ASIC2: variants seen among roughly 807,000 people sequenced by gnomAD.
ASIC2 encodes acid sensing ion channel subunit 2, also known as acid-sensing ion channel 2.
In ASIC2, 25 loss-of-function variants were observed where a neutral mutation model predicts 57.3. The ratio of observed to expected loss-of-function variants is 0.44; its 90% confidence interval spans 0.32 to 0.61. The LOEUF is 0.61. Among genes scored for constraint, ASIC2 ranks in the 20% least tolerant of loss-of-function variants. The probability of loss-of-function intolerance (pLI) is 0.06; values close to 1 mark genes in which losing one functional copy is unlikely to be tolerated. For synonymous variants in ASIC2, 319 were observed against 307.5 expected, an observed-to-expected ratio of 1.04 and a Z score of -0.39; for missense variants, 641 against 738.1, an observed-to-expected ratio of 0.87 and a Z score of 1.52.
At chr17:33,141,866 C>T (rs1904326462) in intron 1 of ASIC2, among the ~76,000 whole-genome samples, 2 of 152,150 alleles carry the variant, frequency 1.3e-5, no homozygotes, top group South Asian at 2.1e-4. Context: ...GTGACTTGTG[C>T]TTTCTTAAAA....
chr17:33,989,929 A>C (rs1293278966), intron 1 of ASIC2, among the ~76,000 whole-genome samples: 1 of 152,182 alleles, frequency 6.6e-6, no homozygotes, highest in African/African-American at 2.4e-5. Flanking sequence ...AGTGGGAAGA[A>C]GGGGAAAGAG....
chr17:33,234,027 C>T (rs2142111375), intron 1 of ASIC2, among the ~76,000 whole-genome samples: 1 of 152,290 alleles, frequency 6.6e-6, no homozygotes, highest in South Asian at 2.1e-4. Flanking sequence ...AAACCTGTCA[C>T]CCACAAGGAA....
At chr17:34,079,882 T>C (rs1909811640) in intron 1 of ASIC2, among the ~76,000 whole-genome samples, 1 of 152,210 alleles carries the variant, frequency 6.6e-6, no homozygotes, top group African/African-American at 2.4e-5. Context: ...TGCACTTTTC[T>C]GGAAGACCTT....
chr17:33,389,991 C>T (rs1217357888), intron 1 of ASIC2, among the ~76,000 whole-genome samples: 1 of 152,106 alleles, frequency 6.6e-6, no homozygotes, highest in Non-Finnish European at 1.5e-5. Context: ...CAGCCTGAGA[C>T]TGGCACATGC....
chr17:34,108,582 C>T (rs1911151413), intron 1 of ASIC2, among the ~76,000 whole-genome samples: 1 of 152,070 alleles, frequency 6.6e-6, no homozygotes, highest in Non-Finnish European at 1.5e-5. Flanking sequence ...GAACACTCCT[C>T]GTACATTTGA....
chr17:33,795,701 T>C (rs1166433870), intron 1 of ASIC2, among the ~76,000 whole-genome samples: 1 of 152,208 alleles, frequency 6.6e-6, no homozygotes, highest in Admixed American at 6.5e-5. Context: ...TGATGATCCA[T>C]GCATTGATAG....
intron 1 of ASIC2, among the ~76,000 whole-genome samples, chr17:34,066,262 G>A (rs372552249): frequency 6.6e-6 from 1 of 152,174 alleles, no homozygotes; most frequent in East Asian, 1.9e-4. Context: ...GCAATGGTCT[G>A]GAACCACTGG....
chr17:34,055,256 G>A (rs2142056572), intron 1 of ASIC2, among the ~76,000 whole-genome samples: 1 of 152,228 alleles, frequency 6.6e-6, no homozygotes, highest in Non-Finnish European at 1.5e-5. Context: ...TCTTATTATG[G>A]AAAATTTCCA....
At chr17:34,075,264 C>CT (rs1460766709) in intron 1 of ASIC2, among the ~76,000 whole-genome samples, 1 of 152,164 alleles carries the variant, frequency 6.6e-6, no homozygotes, top group African/African-American at 2.4e-5. Context: ...CTGATGCAGA[C>CT]TCCCAAGACC....
intron 1 of ASIC2, chr17:33,984,221 C>T (rs1905730330): frequency 6.6e-6 from 1 of 152,246 alleles, no homozygotes; most frequent in African/African-American, 2.4e-5. Context: ...GATGCTGGCT[C>T]TTTCTCTCCT....
chr17:33,444,051 C>G (rs956569661), intron 1 of ASIC2, among the ~76,000 whole-genome samples: 1 of 152,324 alleles, frequency 6.6e-6, no homozygotes, highest in African/African-American at 2.4e-5. Flanking sequence ...CCTAGACTCC[C>G]TCTGTTCTTA....
intron 1 of ASIC2, among the ~76,000 whole-genome samples, chr17:33,454,659 TAAC>T (rs1912386307): frequency 1.3e-5 from 2 of 152,226 alleles, no homozygotes; most frequent in Admixed American, 1.3e-4. Flanking sequence ...CCTGCTGCTA[TAAC>T]AACATACCTT....
chr17:33,263,171 C>T (rs1220460808), intron 1 of ASIC2, among the ~76,000 whole-genome samples: 1 of 152,156 alleles, frequency 6.6e-6, no homozygotes, highest in Non-Finnish European at 1.5e-5. Context: ...ATGTACACCG[C>T]CTGGTTGCAT....
intron 1 of ASIC2, among the ~76,000 whole-genome samples, chr17:33,250,635 T>A (rs1414396940): frequency 6.6e-6 from 1 of 152,242 alleles, no homozygotes; most frequent in Non-Finnish European, 1.5e-5. Context: ...ATTGGTCATT[T>A]CCATATTTTT....
rs1033756922 is a variant in ASIC2 at position 33,128,865 on chromosome 17, C to T, written c.709-16798G>A. On this transcript the variant is annotated intron_variant, in intron 1 of 9. Coordinates refer to ENST00000225823, the MANE Select transcript of ASIC2 (RefSeq NM_183377.2). ...ATACTTCCATAATTCCAGTATCTGC[C>T]CTTATTCCAGGGACACAGTGAGTGT... Among the ~76,000 whole-genome samples the T allele has an allele frequency of 2.6e-5, 4 of 152,246 alleles. 1 individual carries two copies. The South Asian group carries it at 6.2e-4, about 24-fold the overall frequency.
At chr17:33,407,083 T>C (rs912239236) in intron 1 of ASIC2, among the ~76,000 whole-genome samples, 1 of 152,226 alleles carries the variant, frequency 6.6e-6, no homozygotes, top group African/African-American at 2.4e-5. Flanking sequence ...GTCTTAATTT[T>C]TTTCACTTGT....
At chr17:33,685,631 T>C (rs1287542559) in intron 1 of ASIC2, among the ~76,000 whole-genome samples, 1 of 152,182 alleles carries the variant, frequency 6.6e-6, no homozygotes, top group East Asian at 1.9e-4. Flanking sequence ...TTGTTTGAAT[T>C]CTGAGAGGAA....
At chr17:33,713,466 TG>T (rs1426638232) in intron 1 of ASIC2, among the ~76,000 whole-genome samples, 1 of 152,206 alleles carries the variant, frequency 6.6e-6, no homozygotes, top group Admixed American at 6.5e-5. Context: ...CATCATCATG[TG>T]GTATTCTCTC....
chr17:33,704,230 T>A (rs1268122092), intron 1 of ASIC2, among the ~76,000 whole-genome samples: 2 of 152,352 alleles, frequency 1.3e-5, no homozygotes, highest in East Asian at 3.9e-4. Context: ...GTCCTCAAAC[T>A]GATGCTTTGC....
Sources: allele counts gnomAD v4.1 joint callset (sites outside exome capture counted in the v4.1 genomes callset), GRCh38; gene constraint gnomAD v4.1.1; transcripts MANE v1.5; gene names NCBI Gene and HGNC (gene_info 2026-07-23, HGNC 2026-07-21).